Variants in DST observed in about 807,000 individuals in gnomAD.
DST encodes the protein dystonin, also known as bullous pemphigoid antigen.
A neutral mutation model predicts 875.2 loss-of-function variants in DST; 253 were observed. The ratio of observed to expected loss-of-function variants is 0.29; its 90% confidence interval spans 0.26 to 0.32. The LOEUF is 0.32. Among genes scored for constraint, DST ranks in the 10% least tolerant of loss-of-function variants. The probability of loss-of-function intolerance (pLI) is 1.00; values close to 1 mark genes in which losing one functional copy is unlikely to be tolerated. For missense variants in DST, 8,287 were observed against 9,111.6 expected (o/e 0.91, Z 3.68); for synonymous variants, 3,124 against 3,197.1 (o/e 0.98, Z 0.77).
intron 84 of DST, among the ~76,000 whole-genome samples, chr6:56,492,695 C>T (rs1289511401): frequency 6.6e-6 from 1 of 151,968 alleles, no homozygotes; most frequent in Non-Finnish European, 1.5e-5. Flanking sequence ...CATGCTGAAA[C>T]CCCATCTCTA....
Position 56,469,937 on chromosome 6 carries a change from C to T in DST, c.22497G>A (p.Lys7499=). 6.2e-7 allele frequency: 1 copy of T among 1,613,454 alleles called. No homozygotes were observed. The highest frequency in any genetic ancestry group is 8.5e-7 in the Non-Finnish European group (1 of 1,179,478). ...CTTGAAATCGCTTTGCACATTTACA[C>T]TTAGCTACCTGCCTTGTCACCTGCC... The part of the protein sequence containing the change: ...IEDEVTRQVA[K]CKCAKRFQVE... Residue 7499 remains lysine, a synonymous_variant, in exon 97 of 104, where the codon AAG becomes AAA. Coordinates refer to ENST00000680361, the MANE Select transcript of DST (RefSeq NM_001374736.1).
intron 4 of DST, among the ~76,000 whole-genome samples, chr6:56,850,634 C>G (rs1328424278): frequency 6.6e-6 from 1 of 152,182 alleles, no homozygotes; most frequent in Non-Finnish European, 1.5e-5. Flanking sequence ...GAACAACACC[C>G]CTGGAAGCAC....
intron 61 of DST, among the ~76,000 whole-genome samples, chr6:56,538,333 A>T (rs1463878148): frequency 6.6e-6 from 1 of 152,190 alleles, no homozygotes; most frequent in East Asian, 1.9e-4. Flanking sequence ...CCATGAGGAA[A>T]ATAAATTATT....
chr6:56,861,567 C>T (rs1016891728), intron 3 of DST, among the ~76,000 whole-genome samples: 7 of 152,214 alleles, frequency 4.6e-5, no homozygotes, highest in South Asian at 4.1e-4. Flanking sequence ...CCATCTGGAA[C>T]AACTGTGTGG....
At chr6:56,582,545 G>A (rs912791553) in intron 49 of DST, among the ~76,000 whole-genome samples, 18 of 148,826 alleles carry the variant, frequency 1.2e-4, no homozygotes, top group Non-Finnish European at 2.1e-4. Context: ...CTGTAGAATC[G>A]TGAGCCAACT....
intron 2 of DST, among the ~76,000 whole-genome samples, chr6:56,900,886 A>AG (rs1189959947): frequency 2.0e-5 from 3 of 151,992 alleles, no homozygotes; most frequent in Non-Finnish European, 4.4e-5. Context: ...AAAAAAAAAA[A>AG]AAAAAGGAGG....
intron 2 of DST, among the ~76,000 whole-genome samples, chr6:56,910,614 A>C (rs1001443379): frequency 6.6e-6 from 1 of 151,962 alleles, no homozygotes; most frequent in African/African-American, 2.4e-5. Flanking sequence ...CCTCCCAAGT[A>C]GCTGGGATTA....
At chr6:56,786,210 C>T (rs1009871889) in intron 4 of DST, among the ~76,000 whole-genome samples, 1 of 152,148 alleles carries the variant, frequency 6.6e-6, no homozygotes, top group Admixed American at 6.5e-5. Context: ...AGCAATGATT[C>T]ATTCCCCCAT....
At chr6:56,669,466 T>A (rs567101125) in intron 10 of DST, among the ~76,000 whole-genome samples, 1 of 151,570 alleles carries the variant, frequency 6.6e-6, no homozygotes, top group African/African-American at 2.4e-5. Flanking sequence ...TGTGGTGGCA[T>A]ATGCCTGTAG....
Position 56,606,482 on chromosome 6 carries a change from C to T in DST, c.8146G>A (p.Val2716Met), listed in dbSNP as rs754725021. 5.6e-6 allele frequency: 9 copies of T among 1,613,386 alleles called. No individual in the cohort carries two copies. Among genetic ancestry groups the T allele is most frequent in the African/African-American group, 4.0e-5 (3 of 75,002 alleles). ...IHLNPVGSDKVNGQSLETGSE... is the reference protein window; with the variant it reads ...IHLNPVGSDKMNGQSLETGSE... ...CCAGTTTCCAGTGACTGTCCATTCA[C>T]CTTATCTGAGCCAACAGGATTTAAA... Residue 2716 changes from valine to methionine, a missense_variant, in exon 40 of 104, where the codon GTG becomes ATG. Physicochemically the swap from Val to Met is conservative, Grantham distance 21. This residue lies in a region of DST where 3,138 missense variants were observed against 3,116.6 expected (regional missense o/e 1.01). Coordinates refer to ENST00000680361, the MANE Select transcript of DST (RefSeq NM_001374736.1).
At chr6:56,730,733 T>G (rs2099494267) in intron 5 of DST, among the ~76,000 whole-genome samples, 1 of 152,212 alleles carries the variant, frequency 6.6e-6, no homozygotes. Flanking sequence ...GTAATTTACC[T>G]AGAAACCATG....
At chr6:56,526,985 T>C (rs562510074) in intron 68 of DST, among the ~76,000 whole-genome samples, 2 of 152,294 alleles carry the variant, frequency 1.3e-5, no homozygotes, top group Non-Finnish European at 2.9e-5. Flanking sequence ...CTTTATATCA[T>C]GACAGTAGAA....
At chr6:56,853,752 T>C (rs955649764) in intron 3 of DST, among the ~76,000 whole-genome samples, 9 of 152,308 alleles carry the variant, frequency 5.9e-5, no homozygotes, top group Middle Eastern at 6.8e-3. Flanking sequence ...TAAACACCAT[T>C]AATCACTCAT....
intron 2 of DST, among the ~76,000 whole-genome samples, chr6:56,925,310 C>T (rs1481435407): frequency 6.6e-6 from 1 of 152,078 alleles, no homozygotes; most frequent in African/African-American, 2.4e-5. Context: ...CATAATAATG[C>T]TAGGCCAATC....
At chr6:56,898,971 A>T (rs1424489309) in intron 3 of DST, among the ~76,000 whole-genome samples, 4 of 152,240 alleles carry the variant, frequency 2.6e-5, no homozygotes, top group African/African-American at 9.6e-5. Context: ...GGAAAGTAAC[A>T]GATGGTAGAG....
intron 4 of DST, among the ~76,000 whole-genome samples, chr6:56,782,345 T>C (rs2099695853): frequency 6.6e-6 from 1 of 152,192 alleles, no homozygotes; most frequent in African/African-American, 2.4e-5. Flanking sequence ...TGTGAATCCA[T>C]CTGGTCCTGG....
Position 56,634,869 on chromosome 6 carries a change from T to A in DST, c.3271A>T (p.Arg1091Trp). The A allele has an allele frequency of 2.5e-6, 4 of 1,614,006 alleles. No individual in the cohort carries two copies. The highest frequency in any genetic ancestry group is 3.4e-6 in the Non-Finnish European group (4 of 1,179,958). The change falls in exon 25 of 104, where the codon AGG (arginine) becomes TGG (tryptophan). Residue 1091 changes from arginine to tryptophan, a missense_variant. Transcript: ENST00000680361. Reference sequence around the variant, plus strand: ...GTTTTGAGTGGACAGTCAGAATTCCTTGGCTTCAGTTGAATTATTGTTTTT... The same window carrying A: ...GTTTTGAGTGGACAGTCAGAATTCCATGGCTTCAGTTGAATTATTGTTTTT... ...KAKTIIQLKPRNSDCPLKTSI... is the reference protein window; with the variant it reads ...KAKTIIQLKPWNSDCPLKTSI...
intron 3 of DST, among the ~76,000 whole-genome samples, chr6:56,853,548 T>C (rs1766348712): frequency 6.6e-6 from 1 of 151,250 alleles, no homozygotes; most frequent in Non-Finnish European, 1.5e-5. Flanking sequence ...TGTGAGATTA[T>C]ATTTCTTGTT....
rs1293653178 is a variant in DST, at chr6:56,599,941, G to T, written c.11694+128C>A. The stretch of plus-strand genomic sequence containing the variant: ...AAAGTTTAAAGCTCAAGCCCAGGGC[G>T]TCTTGGGTATGCCTTGCTTCTAAAA... On this transcript the variant is annotated intron_variant, in intron 45 of 103. Transcript: ENST00000680361. 1.3e-5 allele frequency: 10 copies of T among 770,276 alleles called. No homozygotes were observed. The East Asian group carries it at 2.5e-4, about 19-fold the overall frequency. The allele number at this position is 770,276 out of a possible 1,614,324, so 47.7% of individuals were successfully genotyped here. A position where few individuals can be genotyped will look rare whatever the true frequency, so the allele number is the denominator to read the frequency against.
Sources: gnomAD v4.1 joint callset for allele counts (sites outside exome capture counted in the v4.1 genomes callset) on GRCh38, gnomAD v4.1.1 for gene constraint, gnomAD v4.1.1 regional missense constraint, MANE v1.5 for transcripts, NCBI Gene and HGNC (gene_info 2026-07-23, HGNC 2026-07-21) for gene names.